Variants in DRC11 observed in about 807,000 individuals in gnomAD.
DRC11 encodes IQ and AAA domain-containing protein 1.
chr2:236,502,132 A>G, the DRC11 span, among the ~76,000 whole-genome samples: 2 of 152,254 alleles, frequency 1.3e-5, no homozygotes, highest in Admixed American at 6.5e-5. Context: ...ATGGACCTTC[A>G]GTGGAGAAAT....
At chr2:236,364,023 A>C in the DRC11 span, 11 of 1,546,396 alleles carry the variant, frequency 7.1e-6, no homozygotes, top group South Asian at 1.3e-4. Flanking sequence ...TGCCAAGAAA[A>C]TCAGTGGTTC....
chr2:236,336,934 A>G, the DRC11 span, among the ~76,000 whole-genome samples: 1 of 152,160 alleles, frequency 6.6e-6, no homozygotes, highest in Non-Finnish European at 1.5e-5. This position sits in a 1 kb window ranked among gnomAD's most constrained non-coding sequence, Gnocchi z 7.3. Flanking sequence ...AGGCTGGGTC[A>G]CAAGAATCCT....
chr2:236,374,515 G>C, the DRC11 span, among the ~76,000 whole-genome samples: 11 of 152,188 alleles, frequency 7.2e-5, no homozygotes, highest in South Asian at 2.3e-3. Context: ...TCACGGTTCC[G>C]CAGGTTATAC....
At chr2:236,410,068 C>T in the DRC11 span, among the ~76,000 whole-genome samples, 1 of 151,970 alleles carries the variant, frequency 6.6e-6, no homozygotes, top group Middle Eastern at 3.4e-3. Context: ...GTCTAAAATT[C>T]TCTTTTTTGG....
At chr2:236,320,192 C>T in the DRC11 span, among the ~76,000 whole-genome samples, 1 of 152,214 alleles carries the variant, frequency 6.6e-6, no homozygotes, top group Non-Finnish European at 1.5e-5. Flanking sequence ...TATTTTGGAC[C>T]AAGGTCCTTT....
At chr2:236,335,133 G>A in the DRC11 span, among the ~76,000 whole-genome samples, 12 of 152,202 alleles carry the variant, frequency 7.9e-5, no homozygotes, top group Non-Finnish European at 1.6e-4. The surrounding 1 kb of genome is among the most constrained non-coding windows in gnomAD (Gnocchi z 5.6). Flanking sequence ...GAGTGGGGCC[G>A]CGGGGACTGC....
chr2:236,321,634 G>T, the DRC11 span, among the ~76,000 whole-genome samples: 1 of 152,190 alleles, frequency 6.6e-6, no homozygotes, highest in Non-Finnish European at 1.5e-5. Flanking sequence ...AAAAGTGTAT[G>T]TATCTTTGGC....
At chr2:236,420,268 T>A in the DRC11 span, among the ~76,000 whole-genome samples, 1 of 152,160 alleles carries the variant, frequency 6.6e-6, no homozygotes, top group South Asian at 2.1e-4. This position sits in a 1 kb window ranked among gnomAD's most constrained non-coding sequence, Gnocchi z 4.8. Flanking sequence ...TGAGCTGGGA[T>A]TCAGCACGTG....
At chr2:236,432,727 G>T in the DRC11 span, among the ~76,000 whole-genome samples, 2 of 151,974 alleles carry the variant, frequency 1.3e-5, no homozygotes, top group Non-Finnish European at 2.9e-5. Context: ...CTTACTCAGG[G>T]GTCATTGTTT....
the DRC11 span, chr2:236,333,081 T>A: frequency 6.6e-6 from 1 of 152,216 alleles, no homozygotes; most frequent in Admixed American, 6.5e-5. This position sits in a 1 kb window ranked among gnomAD's most constrained non-coding sequence, Gnocchi z 6.0. Flanking sequence ...TCAGTGCTGC[T>A]GTGAAAAACA....
the DRC11 span, among the ~76,000 whole-genome samples, chr2:236,327,377 C>T: frequency 6.6e-6 from 1 of 151,040 alleles, no homozygotes; most frequent in African/African-American, 2.4e-5. Flanking sequence ...TGCCTCAGCC[C>T]GGGACTACAC....
chr2:236,412,927 G>C, the DRC11 span: 2 of 152,378 alleles, frequency 1.3e-5, no homozygotes, highest in Non-Finnish European at 2.9e-5. Context: ...TGGCTGGGAG[G>C]CTGGTATAGT....
the DRC11 span, among the ~76,000 whole-genome samples, chr2:236,404,725 C>T: frequency 6.6e-6 from 1 of 152,324 alleles, no homozygotes; most frequent in Admixed American, 6.5e-5. Context: ...ACAGATATCT[C>T]CTGCTTTGAA....
chr2:236,500,458 C>A, the DRC11 span, among the ~76,000 whole-genome samples: 1 of 152,186 alleles, frequency 6.6e-6, no homozygotes, highest in South Asian at 2.1e-4. This position sits in a 1 kb window ranked among gnomAD's most constrained non-coding sequence, Gnocchi z 6.3. Flanking sequence ...AAAACCAACA[C>A]TCTTCCCCCC....
chr2:236,446,222 G>C, the DRC11 span, among the ~76,000 whole-genome samples: 1 of 152,132 alleles, frequency 6.6e-6, no homozygotes, highest in Non-Finnish European at 1.5e-5. This position sits in a 1 kb window ranked among gnomAD's most constrained non-coding sequence, Gnocchi z 6.2. Context: ...GTTGTTAATC[G>C]TAAGGAAGCT....
At chr2:236,412,407 A>G in the DRC11 span, among the ~76,000 whole-genome samples, 1 of 152,170 alleles carries the variant, frequency 6.6e-6, no homozygotes, top group Non-Finnish European at 1.5e-5. Flanking sequence ...CTCCATTCAC[A>G]TGAATTTTCC....
the DRC11 span, among the ~76,000 whole-genome samples, chr2:236,376,197 G>C: frequency 6.6e-6 from 1 of 152,184 alleles, no homozygotes; most frequent in African/African-American, 2.4e-5. This position sits in a 1 kb window ranked among gnomAD's most constrained non-coding sequence, Gnocchi z 5.7. Context: ...AGAAAACCAT[G>C]ACACACATTC....
chr2:236,375,791 C>T, the DRC11 span, among the ~76,000 whole-genome samples: 28 of 152,146 alleles, frequency 1.8e-4, no homozygotes, highest in African/African-American at 6.0e-4. This position sits in a 1 kb window ranked among gnomAD's most constrained non-coding sequence, Gnocchi z 4.2. Context: ...ACACTGATAA[C>T]GCAATTTTAA....
At chr2:236,429,063 T>G in the DRC11 span, among the ~76,000 whole-genome samples, 2 of 152,210 alleles carry the variant, frequency 1.3e-5, no homozygotes, top group African/African-American at 4.8e-5. The surrounding 1 kb of genome is among the most constrained non-coding windows in gnomAD (Gnocchi z 5.9). Flanking sequence ...CTTTATGGAC[T>G]GGCTTTGGTA....
Sources: allele counts gnomAD v4.1 joint callset (sites outside exome capture counted in the v4.1 genomes callset), GRCh38; gene constraint gnomAD v4.1.1; non-coding constraint Gnocchi (gnomAD v3.1); transcripts MANE v1.5; gene names NCBI Gene and HGNC (gene_info 2026-07-23, HGNC 2026-07-21).